Variants in MARCHF1 observed in about 807,000 individuals in gnomAD.
MARCHF1 encodes the protein E3 ubiquitin-protein ligase MARCHF1.
A neutral mutation model predicts 54.2 loss-of-function variants in MARCHF1; 40 were observed. That is an observed-to-expected ratio of 0.74 (90% CI 0.57 to 0.96). The LOEUF (loss-of-function observed/expected upper bound fraction) is 0.96, where lower values mean the gene tolerates loss of function less well. Among genes scored for constraint, MARCHF1 ranks in the 40% least tolerant of loss-of-function variants. The pLI, the probability that MARCHF1 is intolerant of heterozygous loss-of-function variation, is 0.00. For missense variants in MARCHF1, 586 were observed against 656.5 expected (o/e 0.89, Z 1.17); for synonymous variants, 236 against 236.3 (o/e 1.00, Z 0.01).
At chr4:163,617,046 T>C (rs1741537874) in intron 5 of MARCHF1, among the ~76,000 whole-genome samples, 1 of 152,154 alleles carries the variant, frequency 6.6e-6, no homozygotes, top group African/African-American at 2.4e-5. Flanking sequence ...AAATGTGATA[T>C]ATATGCATAA....
chr4:163,828,054 C>CACACACACAGAG (rs774603753), intron 4 of MARCHF1, among the ~76,000 whole-genome samples: 10,520 of 148,216 alleles, frequency 0.071, 632 homozygotes, highest in East Asian at 0.21. Context: ...CACACACACA[C>CACACACACAGAG]AGACACACCT....
intron 4 of MARCHF1, among the ~76,000 whole-genome samples, chr4:163,736,050 T>C (rs904163055): frequency 2.0e-5 from 3 of 152,192 alleles, no homozygotes; most frequent in Non-Finnish European, 4.4e-5. Context: ...TATAACAATA[T>C]GCTGTTCACA....
At chr4:164,261,049 G>C (rs1403242167) in intron 1 of MARCHF1, among the ~76,000 whole-genome samples, 1 of 152,036 alleles carries the variant, frequency 6.6e-6, no homozygotes, top group Non-Finnish European at 1.5e-5. Flanking sequence ...TTTGGACATA[G>C]AGAAAGGCAC....
At chr4:163,888,995 A>T (rs559750276) in intron 3 of MARCHF1, among the ~76,000 whole-genome samples, 5 of 152,268 alleles carry the variant, frequency 3.3e-5, no homozygotes, top group Admixed American at 1.3e-4. Flanking sequence ...TATATCGATT[A>T]TTATTGCATG....
At chr4:163,657,216 G>T (rs946777830) in intron 5 of MARCHF1, among the ~76,000 whole-genome samples, 19 of 152,032 alleles carry the variant, frequency 1.2e-4, no homozygotes, top group Non-Finnish European at 4.4e-5. Context: ...CAAAGTCTCA[G>T]GATACAAAAT....
intron 1 of MARCHF1, among the ~76,000 whole-genome samples, chr4:164,275,616 A>G (rs1304244348): frequency 3.9e-5 from 6 of 152,250 alleles, no homozygotes; most frequent in Non-Finnish European, 5.9e-5. Flanking sequence ...CCATTCAGGT[A>G]CTTAAAAGTT....
intron 8 of MARCHF1, among the ~76,000 whole-genome samples, chr4:163,573,685 G>C (rs1221704107): frequency 1.3e-5 from 2 of 151,764 alleles, no homozygotes; most frequent in African/African-American, 4.8e-5. Flanking sequence ...GTGTATATGT[G>C]CCACATTTTC....
chr4:164,139,103 TGGTAA>T (rs974843296), intron 1 of MARCHF1, among the ~76,000 whole-genome samples: 9 of 152,196 alleles, frequency 5.9e-5, no homozygotes, highest in African/African-American at 1.7e-4. Flanking sequence ...TAAAGTTTTG[TGGTAA>T]GATGAGTACA....
At chr4:164,250,778 C>G (rs1162304736) in intron 1 of MARCHF1, among the ~76,000 whole-genome samples, 1 of 151,860 alleles carries the variant, frequency 6.6e-6, no homozygotes, top group Non-Finnish European at 1.5e-5. Context: ...ACAACATTGC[C>G]TAGAACAAGA....
At chr4:163,918,040 G>C (rs1423699432) in intron 3 of MARCHF1, among the ~76,000 whole-genome samples, 1 of 152,102 alleles carries the variant, frequency 6.6e-6, no homozygotes, top group East Asian at 1.9e-4. Flanking sequence ...TTACAATTAA[G>C]ACTTTAATCC....
intron 3 of MARCHF1, among the ~76,000 whole-genome samples, chr4:163,881,528 G>A (rs1750416318): frequency 1.3e-5 from 2 of 152,090 alleles, no homozygotes; most frequent in South Asian, 4.1e-4. Context: ...TCCGCATGAG[G>A]CTGTTTGCCA....
intron 1 of MARCHF1, among the ~76,000 whole-genome samples, chr4:164,302,177 T>G (rs1579702907): frequency 6.6e-6 from 1 of 152,134 alleles, no homozygotes; most frequent in African/African-American, 2.4e-5. Flanking sequence ...TACTTCCAAT[T>G]GAGCACTGCA....
intron 3 of MARCHF1, among the ~76,000 whole-genome samples, chr4:163,896,623 C>G (rs1157213300): frequency 6.6e-6 from 1 of 152,168 alleles, no homozygotes; most frequent in Non-Finnish European, 1.5e-5. Context: ...CTTGGCCTCT[C>G]TCTCCTTTGT....
intron 2 of MARCHF1, among the ~76,000 whole-genome samples, chr4:164,017,133 G>A (rs1753560335): frequency 1.3e-5 from 2 of 151,552 alleles, no homozygotes; most frequent in South Asian, 2.1e-4. Flanking sequence ...TTTATACTAA[G>A]GACCTTAAAA....
intron 1 of MARCHF1, among the ~76,000 whole-genome samples, chr4:164,262,326 C>T (rs780504142): frequency 5.3e-5 from 8 of 152,016 alleles, no homozygotes; most frequent in East Asian, 1.9e-4. Flanking sequence ...CCATCATTTC[C>T]CCACAACACC....
intron 2 of MARCHF1, among the ~76,000 whole-genome samples, chr4:164,068,657 G>A (rs898439988): frequency 2.6e-5 from 4 of 152,096 alleles, no homozygotes; most frequent in South Asian, 2.1e-4. Context: ...GGGCTCATGC[G>A]CAGACTGAGC....
intron 1 of MARCHF1, among the ~76,000 whole-genome samples, chr4:164,163,188 A>T (rs1730286434): frequency 6.6e-6 from 1 of 152,066 alleles, no homozygotes; most frequent in Non-Finnish European, 1.5e-5. Context: ...AAGAACTAAA[A>T]TGCAAGCAAA....
chr4:163,819,083 C>T (rs150721476), intron 4 of MARCHF1, among the ~76,000 whole-genome samples: 1 of 152,224 alleles, frequency 6.6e-6, no homozygotes, highest in Non-Finnish European at 1.5e-5. Flanking sequence ...GCCTTTTCTG[C>T]TTCAACCATC....
intron 1 of MARCHF1, among the ~76,000 whole-genome samples, chr4:164,240,779 T>C (rs542018888): frequency 2.6e-5 from 4 of 152,204 alleles, no homozygotes; most frequent in African/African-American, 7.2e-5. Flanking sequence ...GCAAGGATGA[T>C]AGTAGCTATC....
Sources: gnomAD v4.1 joint callset for allele counts (sites outside exome capture counted in the v4.1 genomes callset) on GRCh38, gnomAD v4.1.1 for gene constraint, MANE v1.5 for transcripts, NCBI Gene and HGNC (gene_info 2026-07-23, HGNC 2026-07-21) for gene names.